ARFGAP3: variants seen among roughly 807,000 people sequenced by gnomAD.
ARFGAP3 encodes ARF GTPase activating protein 3, also known as ADP-ribosylation factor GTPase-activating protein 3.
ARFGAP3 carries 72 observed loss-of-function variants against 75.0 expected under a neutral mutation model. The ratio of observed to expected loss-of-function variants is 0.96; its 90% CI spans 0.79 to 1.17. The LOEUF is 1.17. ARFGAP3 is among the 50% of genes most tolerant of loss of function. The pLI, the probability that ARFGAP3 is intolerant of heterozygous loss-of-function variation, is 0.00. For missense variants in ARFGAP3, 620 were observed against 626.6 expected, an observed-to-expected ratio of 0.99 and a Z score of 0.11; for synonymous variants, 221 against 217.9, an observed-to-expected ratio of 1.01 and a Z score of -0.13.
chr22:42,826,767 A>G (rs891125373), intron 7 of ARFGAP3, among the ~76,000 whole-genome samples, 173 bp downstream of exon 7: 6 of 152,172 alleles, frequency 3.9e-5, no homozygotes, highest in Non-Finnish European at 7.3e-5. Flanking sequence ...TTGAGAGATG[A>G]ATAAAAAACA....
chr22:42,832,548 C>T (rs1039988173), intron 5 of ARFGAP3, among the ~76,000 whole-genome samples: 4 of 143,518 alleles, frequency 2.8e-5, no homozygotes, highest in East Asian at 2.0e-4. Flanking sequence ...AAAAAAAAAA[C>T]GAAAGAAAAA....
chr22:42,841,059 C>T, intron 2 of ARFGAP3, 43 bp from the exon 3 acceptor site: 1 of 1,592,780 alleles, frequency 6.3e-7, no homozygotes, highest in South Asian at 1.1e-5. Flanking sequence ...TTTTTTATCC[C>T]CAGGAGCAAA....
chr22:42,839,319 T>C (rs1472650923), intron 3 of ARFGAP3, among the ~76,000 whole-genome samples: 1 of 151,608 alleles, frequency 6.6e-6, no homozygotes, highest in East Asian at 1.9e-4. Context: ...GGTTTTTTGG[T>C]CGGGTGCTGT....
chr22:42,810,469 TAAAAC>T (rs927864513), intron 12 of ARFGAP3, among the ~76,000 whole-genome samples: 11 of 152,064 alleles, frequency 7.2e-5, no homozygotes, highest in Middle Eastern at 6.8e-3. Flanking sequence ...GTCTCAAAAA[TAAAAC>T]AAAACAAAAC....
At chr22:42,798,264 C>G (rs1045080639) in intron 15 of ARFGAP3, among the ~76,000 whole-genome samples, 1 of 151,480 alleles carries the variant, frequency 6.6e-6, no homozygotes, top group African/African-American at 2.5e-5. Context: ...AGGGAACTCT[C>G]CGGAATGGGT....
intron 7 of ARFGAP3, 100 bp from the exon 8 acceptor site, chr22:42,823,802 G>A: frequency 8.1e-7 from 1 of 1,233,824 alleles, no homozygotes; most frequent in Non-Finnish European, 1.1e-6. Flanking sequence ...TATTATTTAA[G>A]AGATGATAAC....
chr22:42,856,243 T>G (rs1212195530), intron 1 of ARFGAP3, among the ~76,000 whole-genome samples: 1 of 152,166 alleles, frequency 6.6e-6, no homozygotes, highest in Non-Finnish European at 1.5e-5. Context: ...ACACCTATTT[T>G]GTAACACTCG....
rs745552661 is a variant in ARFGAP3, at chr22:42,817,850, A to G, written c.820T>C (p.Ser274Pro). The change falls in exon 10 of 16, where the codon TCA (serine) becomes CCA (proline). Residue 274 changes from serine to proline, a missense_variant. Physicochemically the swap from Ser to Pro is moderately conservative, Grantham distance 74 (BLOSUM62 -1). Coordinates refer to ENST00000263245, the MANE Select transcript of ARFGAP3 (RefSeq NM_014570.5). The stretch of plus-strand genomic sequence containing the variant: ...AGATCCTTATAGGCTAATCGTAATG[A>G]TGAAACACTGCCAGAAAAACCAAAT... ...VVSKEESIVSSLRLAYKDLEI... is the reference protein window; with the variant it reads ...VVSKEESIVSPLRLAYKDLEI... 1 of 1,602,890 alleles carries G rather than the reference A, an allele frequency of 6.2e-7. No homozygotes were observed. Among genetic ancestry groups the G allele is most frequent in the East Asian group, 2.3e-5 (1 of 44,400 alleles).
At chr22:42,816,686 T>C (rs961429641) in intron 11 of ARFGAP3, among the ~76,000 whole-genome samples, 5 of 152,260 alleles carry the variant, frequency 3.3e-5, no homozygotes, top group African/African-American at 7.2e-5. Context: ...TACAATCATC[T>C]TCCTCATTAA....
At position 42,807,252 on chromosome 22, in the gene ARFGAP3, G is replaced by C. The variant is rs1397814016; in HGVS notation, c.1321-89C>G. 1.8e-5 allele frequency: 27 copies of C among 1,491,420 alleles called. No homozygotes were observed. In the East Asian group the frequency reaches 4.6e-4, roughly 25 times the overall value. 92.4% of individuals were successfully genotyped at this position (1,491,420 alleles called of 1,614,324 possible). A position where few individuals can be genotyped will look rare whatever the true frequency, so the allele number is the denominator to read the frequency against. ...ATCACTGAAGAGCTGTCATTTGAAA[G>C]TGTTTGACCCCCAGGCTCTTTCTTT... On this transcript the variant is annotated intron_variant, in intron 13 of 15. Transcript: ENST00000263245.
chr22:42,799,026 C>T lies in ARFGAP3; in HGVS notation c.1533+13G>A. Reference sequence around the variant, plus strand: ...ACCGTCATAGCCAGTGAGCACTGCCCCATTCCACTGACCTGAATTGAAGTC... The same window carrying T: ...ACCGTCATAGCCAGTGAGCACTGCCTCATTCCACTGACCTGAATTGAAGTC... On this transcript the variant is annotated intron_variant, in intron 15 of 15. Transcript: ENST00000263245. 3 of 1,612,296 alleles carry T rather than the reference C, an allele frequency of 1.9e-6. No individual in the cohort carries two copies. The highest frequency in any genetic ancestry group is 1.1e-5 in the South Asian group (1 of 91,046).
At chr22:42,809,141 T>C (rs187564687) in intron 12 of ARFGAP3, 1 of 165,472 alleles carries the variant, frequency 6.0e-6, no homozygotes, top group Admixed American at 6.5e-5. Flanking sequence ...TATATCACAT[T>C]TCAGATCAAC....
At chr22:42,817,412 T>C in intron 10 of ARFGAP3, 148 bp from the exon 11 acceptor site, 1 of 1,141,774 alleles carries the variant, frequency 8.8e-7, no homozygotes, top group South Asian at 1.8e-5. Context: ...TTTTTTCTGG[T>C]GCAAGCTTTC....
intron 9 of ARFGAP3, 150 bp from the exon 10 acceptor site, chr22:42,818,007 T>C: frequency 8.9e-7 from 1 of 1,123,594 alleles, no homozygotes. Flanking sequence ...GTGTTTTTTC[T>C]ACCTGCCTTT....
At chr22:42,799,535 G>A (rs1298457386) in intron 14 of ARFGAP3, among the ~76,000 whole-genome samples, 1 of 152,128 alleles carries the variant, frequency 6.6e-6, no homozygotes, top group East Asian at 1.9e-4. Flanking sequence ...AACACGGATG[G>A]CCTGTTTCTC....
intron 10 of ARFGAP3, 149 bp downstream of exon 10, chr22:42,817,580 G>A: frequency 1.3e-6 from 1 of 793,018 alleles, no homozygotes; most frequent in Non-Finnish European, 2.0e-6. Flanking sequence ...ATGTTATACT[G>A]AATACCAGAG....
intron 3 of ARFGAP3, among the ~76,000 whole-genome samples, chr22:42,837,672 C>CTTTTTTTTTTTTT (rs1242700697): frequency 7.4e-5 from 5 of 67,302 alleles, no homozygotes; most frequent in South Asian, 1.0e-3. Context: ...CTAAGGCATA[C>CTTTTTTTTTTTTT]TTCTTTTTTT....
At chr22:42,803,413 T>C (rs1924967563) in intron 14 of ARFGAP3, among the ~76,000 whole-genome samples, 1 of 152,198 alleles carries the variant, frequency 6.6e-6, no homozygotes, top group Admixed American at 6.5e-5. Context: ...GACCCCACGA[T>C]GCACACAAGG....
At position 42,797,463 on chromosome 22, in the gene ARFGAP3, T is replaced by C. The variant is rs149410635; in HGVS notation, c.*125A>G. On this transcript the variant is annotated 3_prime_UTR_variant, in exon 16 of 16. Coordinates refer to ENST00000263245, the MANE Select transcript of ARFGAP3 (RefSeq NM_014570.5). Reference sequence around the variant, plus strand: ...AAAGAAATATTAAAAATCAGAAACATATACCATATGAAAAAGTAGCAAAAC... The same window carrying C: ...AAAGAAATATTAAAAATCAGAAACACATACCATATGAAAAAGTAGCAAAAC... The C allele has an allele frequency of 2.5e-6, 3 of 1,188,612 alleles. No individual in the cohort carries two copies. Among genetic ancestry groups the C allele is most frequent in the South Asian group, 2.5e-5 (2 of 78,798 alleles). 73.6% of individuals were successfully genotyped at this position (1,188,612 alleles called of 1,614,324 possible).
Sources: gnomAD v4.1 joint callset for allele counts (sites outside exome capture counted in the v4.1 genomes callset) on GRCh38, gnomAD v4.1.1 for gene constraint, MANE v1.5 for transcripts, NCBI Gene and HGNC (gene_info 2026-07-23, HGNC 2026-07-21) for gene names.